ZKSCAN2: variants seen among roughly 807,000 people sequenced by gnomAD.
ZKSCAN2 encodes the protein zinc finger protein with KRAB and SCAN domains 2.
Under a neutral mutation model 90.5 loss-of-function variants are expected in ZKSCAN2, and 38 were observed. That is an observed-to-expected ratio of 0.42 (90% CI 0.32 to 0.55). The LOEUF is 0.55. Among genes scored for constraint, ZKSCAN2 ranks in the 20% least tolerant of loss-of-function variants. The pLI, the probability that ZKSCAN2 is intolerant of heterozygous loss-of-function variation, is 0.11. For missense variants in ZKSCAN2, 1,167 were observed against 1,202.6 expected (o/e 0.97, Z 0.44); for synonymous variants, 429 against 421.6 (o/e 1.02, Z -0.22).
chr16:25,254,319 T>C (rs1231523755), intron 2 of ZKSCAN2, among the ~76,000 whole-genome samples: 2 of 152,262 alleles, frequency 1.3e-5, no homozygotes, highest in Admixed American at 6.5e-5. Flanking sequence ...GAGAGATCAC[T>C]GTGGACTGGG....
chr16:25,243,912 G>C lies in ZKSCAN2; in HGVS notation c.1854C>G (p.Gly618=). ...CCTGTGAGGTCTCTTCAGGTTCCCAGCCTGTAGGTTCCTGGGGTTCAACCT... is the reference window on the plus strand; with the variant it reads ...CCTGTGAGGTCTCTTCAGGTTCCCACCCTGTAGGTTCCTGGGGTTCAACCT... ...GIEVEPQEPT[G]WEPEETSQEA... The change falls in exon 6 of 7, where the codon GGC becomes GGG. Residue 618 remains glycine, a synonymous_variant. Transcript: ENST00000328086. 2 of 1,614,120 alleles carry C rather than the reference G, an allele frequency of 1.2e-6. No individual in the cohort carries two copies. The highest frequency in any genetic ancestry group is 1.7e-6 in the Non-Finnish European group (2 of 1,180,004).
chr16:25,240,926 T>C (rs954562016), intron 6 of ZKSCAN2, among the ~76,000 whole-genome samples, 188 bp from the exon 7 acceptor site: 7 of 152,116 alleles, frequency 4.6e-5, no homozygotes, highest in Non-Finnish European at 8.8e-5. Context: ...CAGTACAGAG[T>C]AGGCCTTAAG....
At chr16:25,253,104 T>A in intron 2 of ZKSCAN2, 67 bp from the exon 3 acceptor site, 3 of 1,218,936 alleles carry the variant, frequency 2.5e-6, no homozygotes, top group Non-Finnish European at 3.7e-6. Flanking sequence ...TGTCTCTCTT[T>A]TTAAGAGATG....
At chr16:25,242,257 T>A (rs1255473545) in intron 6 of ZKSCAN2, among the ~76,000 whole-genome samples, 4 of 152,222 alleles carry the variant, frequency 2.6e-5, no homozygotes, top group Non-Finnish European at 5.9e-5. Context: ...CAGAGAAAGC[T>A]TGATAATTTG....
chr16:25,253,123 T>C lies in ZKSCAN2; in HGVS notation c.587-86A>G, dbSNP rs1232772260. On this transcript the variant is annotated intron_variant, in intron 2 of 6. Transcript: ENST00000328086. ...TCTCTTTTTAAGAGATGAGTATGTA[T>C]TGAAACACCAACAAATATAAATTCA... is the stretch of plus-strand genomic sequence containing the variant. 30 of 973,822 alleles carry C rather than the reference T, an allele frequency of 3.1e-5. No individual in the cohort carries two copies. The Admixed American group carries it at 3.2e-4, about 10-fold the overall frequency. 60.3% of individuals were successfully genotyped at this position (973,822 alleles called of 1,614,324 possible).
intron 1 of ZKSCAN2, among the ~76,000 whole-genome samples, chr16:25,255,728 T>C (rs1963091398): frequency 1.3e-5 from 2 of 152,284 alleles, no homozygotes; most frequent in South Asian, 4.1e-4. Flanking sequence ...ATTACAGGCA[T>C]GCACCAACAC....
At chr16:25,244,891 A>C (rs578142519) in intron 5 of ZKSCAN2, among the ~76,000 whole-genome samples, 1 of 152,350 alleles carries the variant, frequency 6.6e-6, no homozygotes, top group Admixed American at 6.5e-5. Flanking sequence ...TTTTCAGGGC[A>C]TATCTAAATA....
rs200859388 is a variant in ZKSCAN2, at chr16:25,255,294, C to T, written c.498G>A (p.Ala166=). ...QPEQVETQPR[A]VSREEPGSLH... ...GGCTTCCAGGTTCCTCCCGAGACACCGCCCTGGGTTGGGTCTCCACCTGCT... is the reference window on the plus strand; with the variant it reads ...GGCTTCCAGGTTCCTCCCGAGACACTGCCCTGGGTTGGGTCTCCACCTGCT... The change falls in exon 2 of 7, where the codon GCG becomes GCA. Residue 166 remains alanine, a synonymous_variant. Transcript: ENST00000328086. 5.9e-5 allele frequency: 95 copies of T among 1,613,648 alleles called. No homozygotes were observed. The highest frequency in any genetic ancestry group is 3.3e-4 in the Middle Eastern group (2 of 6,064).
chr16:25,242,526 C>T (rs1962869979), intron 6 of ZKSCAN2, among the ~76,000 whole-genome samples: 1 of 152,102 alleles, frequency 6.6e-6, no homozygotes, highest in South Asian at 2.1e-4. Context: ...GGAGATCTTA[C>T]ATACAAAGTG....
intron 2 of ZKSCAN2, among the ~76,000 whole-genome samples, 196 bp downstream of exon 2, chr16:25,255,010 C>G (rs1362925414): frequency 2.6e-5 from 4 of 151,084 alleles, no homozygotes; most frequent in African/African-American, 9.7e-5. Context: ...TCCCATGTTG[C>G]CCAGACTCAG....
rs1195821161 is a variant in ZKSCAN2, at chr16:25,238,833, A to G, written c.*983T>C. 1.3e-5 allele frequency: 2 copies of G among 152,182 alleles called. No individual in the cohort carries two copies. Among genetic ancestry groups the G allele is most frequent in the Non-Finnish European group, 2.9e-5 (2 of 68,030 alleles). The allele number at this position is 152,182 out of a possible 1,614,324, so 9.4% of individuals were successfully genotyped here. On this transcript the variant is annotated 3_prime_UTR_variant, in exon 7 of 7. Coordinates refer to ENST00000328086, the MANE Select transcript of ZKSCAN2 (RefSeq NM_001012981.5). ...ATCCCCTTAAAGTTTTAGAAACACT[A>G]TTATAATATTATACTGCAGTGCAGG...
intron 6 of ZKSCAN2, among the ~76,000 whole-genome samples, chr16:25,243,382 C>T (rs773154021): frequency 3.9e-5 from 6 of 152,212 alleles, no homozygotes; most frequent in Non-Finnish European, 7.3e-5. Flanking sequence ...GGCTGGAGTG[C>T]AATGGCACGA....
chr16:25,257,736 G>A lies in ZKSCAN2; in HGVS notation c.-609C>T, dbSNP rs151295374. On this transcript the variant is annotated 5_prime_UTR_variant, in exon 1 of 7. Coordinates refer to ENST00000328086, the MANE Select transcript of ZKSCAN2 (RefSeq NM_001012981.5). ...GAGGAAAGGCCGCAAAAACTGTTCC[G>A]CCCGGAAGGGAGAAGAGCTGCGGGG... 6.2e-3 allele frequency: 954 copies of A among 154,578 alleles called. 12 individuals are homozygous for A. Among genetic ancestry groups the A allele is most frequent in the African/African-American group, 0.021 (882 of 41,608 alleles). The allele number at this position is 154,578 out of a possible 1,614,324, so 9.6% of individuals were successfully genotyped here.
chr16:25,244,414 A>C, intron 5 of ZKSCAN2, 138 bp from the exon 6 acceptor site: 1 of 864,382 alleles, frequency 1.2e-6, no homozygotes, highest in Non-Finnish European at 1.7e-6. Flanking sequence ...CCTAGGAATA[A>C]GCTTTGCAAG....
At chr16:25,250,969 T>C (rs1963011910) in intron 4 of ZKSCAN2, among the ~76,000 whole-genome samples, 1 of 152,184 alleles carries the variant, frequency 6.6e-6, no homozygotes, top group African/African-American at 2.4e-5. Context: ...TTGGTCATGC[T>C]GGTGTTGAAC....
At chr16:25,245,874 G>A (rs1962926255) in intron 5 of ZKSCAN2, among the ~76,000 whole-genome samples, 1 of 151,972 alleles carries the variant, frequency 6.6e-6, no homozygotes, top group Admixed American at 6.6e-5. Context: ...TTTTCACAGT[G>A]CCTTCATTTA....
chr16:25,251,487 G>C (rs1963020207), intron 4 of ZKSCAN2, among the ~76,000 whole-genome samples: 2 of 152,152 alleles, frequency 1.3e-5, no homozygotes, highest in African/African-American at 4.8e-5. Context: ...GGAAAGAGCT[G>C]TTAAGAACAG....
At position 25,257,017 on chromosome 16, in the gene ZKSCAN2, T is replaced by C; in HGVS notation, c.111A>G (p.Gly37=). 2 of 1,614,198 alleles carry C rather than the reference T, an allele frequency of 1.2e-6. No homozygotes were observed. Among genetic ancestry groups the C allele is most frequent in the Non-Finnish European group, 8.5e-7 (1 of 1,180,032 alleles). ...TGCGGAAGGTCTCAGAGCTATCCGA[T>C]CCTTCCAGAATGGGCTCTGATGCCC... The part of the protein sequence containing the change: ...PEWASEPILE[G]SDSSETFRKC... The change falls in exon 1 of 7, where the codon GGA becomes GGG. Residue 37 remains glycine, a synonymous_variant. Coordinates refer to ENST00000328086, the MANE Select transcript of ZKSCAN2 (RefSeq NM_001012981.5).
rs1203400216 is a variant in ZKSCAN2, at chr16:25,238,839, A to G, written c.*977T>C. ...TTAAAGTTTTAGAAACACTATTATAATATTATACTGCAGTGCAGGGGTGGG... is the reference window on the plus strand; with the variant it reads ...TTAAAGTTTTAGAAACACTATTATAGTATTATACTGCAGTGCAGGGGTGGG... On this transcript the variant is annotated 3_prime_UTR_variant, in exon 7 of 7. Coordinates refer to ENST00000328086, the MANE Select transcript of ZKSCAN2 (RefSeq NM_001012981.5). 6.6e-6 allele frequency: 1 copy of G among 152,132 alleles called. No individual in the cohort carries two copies. Among genetic ancestry groups the G allele is most frequent in the African/African-American group, 2.4e-5 (1 of 41,364 alleles). 9.4% of individuals were successfully genotyped at this position (152,132 alleles called of 1,614,324 possible). A position where few individuals can be genotyped will look rare whatever the true frequency, so the allele number is the denominator to read the frequency against.
Sources: allele counts gnomAD v4.1 joint callset (sites outside exome capture counted in the v4.1 genomes callset), GRCh38; gene constraint gnomAD v4.1.1; transcripts MANE v1.5; gene names NCBI Gene and HGNC (gene_info 2026-07-23, HGNC 2026-07-21).